TSNARE1: variants seen among roughly 807,000 people sequenced by gnomAD.
The protein encoded by TSNARE1 is t-SNARE domain-containing protein 1.
TSNARE1 carries 49 observed loss-of-function variants against 62.0 expected under a neutral mutation model. The ratio of observed to expected loss-of-function variants is 0.79; its 90% CI spans 0.63 to 1.00. The LOEUF (loss-of-function observed/expected upper bound fraction) is 1.00. TSNARE1 is among the 50% of genes least tolerant of loss of function. The probability of loss-of-function intolerance (pLI) is 0.00; values close to 1 mark genes in which losing one functional copy is unlikely to be tolerated. For synonymous variants in TSNARE1, 328 were observed against 294.4 expected (o/e 1.11, Z -1.17); for missense variants, 755 against 700.1 (o/e 1.08, Z -0.88).
At chr8:142,343,771 A>AGAGGAG (rs1211571943) in intron 4 of TSNARE1, among the ~76,000 whole-genome samples, 195 bp downstream of exon 4, 7 of 56,964 alleles carry the variant, frequency 1.2e-4, no homozygotes, top group Admixed American at 7.4e-4. Flanking sequence ...GGAGGGGAGA[A>AGAGGAG]GAGGAGGAGG....
intron 1 of TSNARE1, among the ~76,000 whole-genome samples, chr8:142,389,062 T>A (rs13278986): frequency 2.0e-5 from 3 of 151,976 alleles, no homozygotes; most frequent in African/African-American, 7.3e-5. Context: ...ACAAACAGCC[T>A]AACGAAACAG....
chr8:142,288,798 C>A (rs1304652461), intron 10 of TSNARE1, among the ~76,000 whole-genome samples: 1 of 152,238 alleles, frequency 6.6e-6, no homozygotes, highest in Non-Finnish European at 1.5e-5. Flanking sequence ...AGCTAAGACA[C>A]AAAATGTTAA....
intron 9 of TSNARE1, among the ~76,000 whole-genome samples, chr8:142,303,678 G>T (rs1826164553): frequency 6.6e-6 from 1 of 152,238 alleles, no homozygotes. Context: ...GCACTTCATT[G>T]CGTTTCTGGC....
chr8:142,286,132 C>T (rs1210437936), intron 10 of TSNARE1, among the ~76,000 whole-genome samples: 1 of 152,212 alleles, frequency 6.6e-6, no homozygotes, highest in East Asian at 1.9e-4. Flanking sequence ...CTGGGCAAGC[C>T]TGGCCACCTC....
rs1586758362 is a variant in TSNARE1 at position 142,221,926 on chromosome 8, C to T, written c.*11+7547G>A. 2.0e-5 allele frequency among the ~76,000 whole-genome samples: 3 copies of T among 150,910 alleles called. No individual in the cohort carries two copies. In the South Asian group the frequency reaches 6.3e-4, roughly 32 times the overall value. On this transcript the variant is annotated intron_variant, in intron 13 of 13. Coordinates refer to ENST00000524325, the MANE Select transcript of TSNARE1 (RefSeq NM_145003.5). ...TCATCCACTCACTCATTCACTCACT[C>T]ATCCACTCATTCACTCACTCACTCA...
chr8:142,280,383 C>T lies in TSNARE1; in HGVS notation c.1363+4030G>A, dbSNP rs181607010. On this transcript the variant is annotated intron_variant, in intron 11 of 13. Coordinates refer to ENST00000524325, the MANE Select transcript of TSNARE1 (RefSeq NM_145003.5). ...AGACCCTGGGGAGAGCAGCCAGGTT[C>T]GGGGTCACAGGTCATCACAGGCCCT... The T allele has an allele frequency of 4.5e-4, 437 of 962,378 alleles. 1 individual carries two copies. In the African/African-American group the frequency reaches 6.5e-3, roughly 14 times the overall value. 59.6% of individuals were successfully genotyped at this position (962,378 alleles called of 1,614,324 possible).
At chr8:142,338,571 G>A (rs1010253900) in intron 4 of TSNARE1, among the ~76,000 whole-genome samples, 3 of 152,116 alleles carry the variant, frequency 2.0e-5, no homozygotes, top group South Asian at 2.1e-4. Context: ...AGGCTGCCTC[G>A]ACCACTGGGC....
At chr8:142,385,015 C>T (rs1020524968) in intron 1 of TSNARE1, among the ~76,000 whole-genome samples, 3 of 151,386 alleles carry the variant, frequency 2.0e-5, no homozygotes, top group Non-Finnish European at 4.4e-5. Flanking sequence ...AAAAGTATCA[C>T]ACATGATAGA....
chr8:142,237,084 C>A (rs1051112079), intron 12 of TSNARE1, among the ~76,000 whole-genome samples: 1 of 151,836 alleles, frequency 6.6e-6, no homozygotes, highest in South Asian at 2.1e-4. Flanking sequence ...GCGGGGTGGG[C>A]GGGTAGCCTG....
At chr8:142,273,478 C>G (rs1000143112) in intron 12 of TSNARE1, 2 of 985,302 alleles carry the variant, frequency 2.0e-6, no homozygotes, top group African/African-American at 3.5e-5. Flanking sequence ...GCCAAACAGC[C>G]CAGAGCTGGC....
chr8:142,259,057 C>T (rs1471016683), intron 12 of TSNARE1, among the ~76,000 whole-genome samples: 1 of 152,228 alleles, frequency 6.6e-6, no homozygotes, highest in African/African-American at 2.4e-5. Flanking sequence ...CACGCTGCAG[C>T]TGAGGCGTGG....
intron 13 of TSNARE1, among the ~76,000 whole-genome samples, chr8:142,222,133 T>C (rs1450567453): frequency 1.5e-5 from 2 of 129,652 alleles, no homozygotes; most frequent in South Asian, 2.7e-4. Flanking sequence ...CACTCACTCA[T>C]CCACTCATTC....
intron 4 of TSNARE1, among the ~76,000 whole-genome samples, chr8:142,333,700 C>T (rs1296396582): frequency 6.6e-6 from 1 of 152,186 alleles, no homozygotes; most frequent in African/African-American, 2.4e-5. Context: ...TCCACGTATG[C>T]TCTGTGCACC....
intron 4 of TSNARE1, among the ~76,000 whole-genome samples, chr8:142,338,346 G>T (rs1320071927): frequency 6.6e-6 from 1 of 152,224 alleles, no homozygotes; most frequent in Non-Finnish European, 1.5e-5. Flanking sequence ...ACTGAACCAG[G>T]TCTCAAGGCA....
At chr8:142,295,574 T>C (rs930031311) in intron 10 of TSNARE1, among the ~76,000 whole-genome samples, 3 of 152,296 alleles carry the variant, frequency 2.0e-5, no homozygotes, top group Admixed American at 6.5e-5. Context: ...ACAGAACACA[T>C]AGGGGGCAGG....
rs190653778 is a variant in TSNARE1 at position 142,284,873 on chromosome 8, G to C, written c.1291-388C>G. The stretch of plus-strand genomic sequence containing the variant: ...AGGACAGCATCCCCAGCACTGTAAA[G>C]GCCTGACTGCAAGAGAGCAGAGAAT... On this transcript the variant is annotated intron_variant, in intron 10 of 13. Coordinates refer to ENST00000524325, the MANE Select transcript of TSNARE1 (RefSeq NM_145003.5). 3.1e-3 allele frequency among the ~76,000 whole-genome samples: 471 copies of C among 152,332 alleles called. 14 individuals are homozygous for C. Among genetic ancestry groups the C allele is most frequent in the Admixed American group, 0.029 (440 of 15,304 alleles).
chr8:142,395,921 A>C (rs929608874), intron 1 of TSNARE1, among the ~76,000 whole-genome samples: 3 of 152,160 alleles, frequency 2.0e-5, no homozygotes, highest in Admixed American at 6.5e-5. Context: ...CCCCTTCCAA[A>C]TACTTCGCTA....
At chr8:142,240,370 G>C (rs1315783503) in intron 12 of TSNARE1, among the ~76,000 whole-genome samples, 1 of 111,994 alleles carries the variant, frequency 8.9e-6, no homozygotes, top group Admixed American at 8.8e-5. Context: ...TAAAGCTACT[G>C]GGAGAAATTT....
intron 10 of TSNARE1, among the ~76,000 whole-genome samples, chr8:142,287,052 C>T (rs1003720015): frequency 6.6e-6 from 1 of 152,264 alleles, no homozygotes; most frequent in African/African-American, 2.4e-5. Context: ...ATCCAACCCA[C>T]ATTTAGACAG....
Sources: gnomAD v4.1 joint callset for allele counts (sites outside exome capture counted in the v4.1 genomes callset) on GRCh38, gnomAD v4.1.1 for gene constraint, MANE v1.5 for transcripts, NCBI Gene and HGNC (gene_info 2026-07-23, HGNC 2026-07-21) for gene names.